The following ANKS1B variants were observed in gnomAD, a reference collection of about 807,000 sequenced individuals.
The protein encoded by ANKS1B is ankyrin repeat and sterile alpha motif domain containing 1B, also known as ankyrin repeat and sterile alpha motif domain-containing protein 1B.
Under a neutral mutation model 148.3 loss-of-function variants are expected in ANKS1B, and 36 were observed. The observed-to-expected ratio is 0.24, with a 90% CI of 0.19 to 0.32. The LOEUF is 0.32. Ranked by LOEUF, ANKS1B falls within the 10% of genes least tolerant of loss-of-function variation. The pLI is 1.00. For synonymous variants in ANKS1B, 542 were observed against 560.8 expected (o/e 0.97, Z 0.47); for missense variants, 1,157 against 1,542.6 (o/e 0.75, Z 4.19).
At chr12:99,680,500 C>G (rs2098608102) in intron 8 of ANKS1B, among the ~76,000 whole-genome samples, 1 of 151,604 alleles carries the variant, frequency 6.6e-6, no homozygotes, top group African/African-American at 2.4e-5. Flanking sequence ...GGAGCCATTT[C>G]TGACTTTATC....
At chr12:99,846,655 T>G (rs1039106844) in intron 1 of ANKS1B, among the ~76,000 whole-genome samples, 1 of 152,068 alleles carries the variant, frequency 6.6e-6, no homozygotes, top group African/African-American at 2.4e-5. Flanking sequence ...TTTAAAAAGA[T>G]TATATGAGAT....
intron 14 of ANKS1B, among the ~76,000 whole-genome samples, chr12:99,155,848 C>G (rs2075983252): frequency 6.6e-6 from 1 of 152,146 alleles, no homozygotes; most frequent in East Asian, 1.9e-4. Context: ...GCTCTTACTA[C>G]TTCTCACGAA....
At chr12:99,092,254 T>C (rs2054268939) in intron 15 of ANKS1B, among the ~76,000 whole-genome samples, 1 of 152,086 alleles carries the variant, frequency 6.6e-6, no homozygotes, top group African/African-American at 2.4e-5. Flanking sequence ...GGGAGGATAT[T>C]AAATGCTTTA....
intron 24 of ANKS1B, among the ~76,000 whole-genome samples, chr12:98,775,497 C>A (rs1449011087): frequency 6.6e-6 from 1 of 152,106 alleles, no homozygotes; most frequent in Non-Finnish European, 1.5e-5. Flanking sequence ...GTTGCCCAGG[C>A]TGGAGTGCAG....
rs191891823 is a variant in ANKS1B, at chr12:99,591,867, C to A, written c.1272+63200G>T. Among the ~76,000 whole-genome samples the A allele has an allele frequency of 3.9e-5, 6 of 152,246 alleles. No homozygotes were observed. In the East Asian group the frequency reaches 1.2e-3, roughly 29 times the overall value. On this transcript the variant is annotated intron_variant, in intron 9 of 26. Transcript: ENST00000683438. ...GCCCCTCTACATAAATGGATATAGA[C>A]CCTCACATCTAGAGCTGCATTCTAG...
At chr12:98,771,248 A>C (rs968715483) in intron 25 of ANKS1B, among the ~76,000 whole-genome samples, 1 of 151,962 alleles carries the variant, frequency 6.6e-6, no homozygotes, top group African/African-American at 2.4e-5. Flanking sequence ...TAGCTCAGTG[A>C]AGCCTCAGTG....
At position 99,806,303 on chromosome 12, in the gene ANKS1B, C is replaced by A. The variant is rs750987140; in HGVS notation, c.669+101G>T. ...CAGTAGTTACAAAAGTACTTGTGAA[C>A]AATTTGATTAAAAGATTTCTACATA... On this transcript the variant is annotated intron_variant, in intron 4 of 26. Coordinates refer to ENST00000683438, the MANE Select transcript of ANKS1B (RefSeq NM_001352186.2). The A allele has an allele frequency of 4.9e-6, 7 of 1,426,430 alleles. No individual in the cohort carries two copies. In the African/African-American group the frequency reaches 8.5e-5, roughly 17 times the overall value. The allele number at this position is 1,426,430 out of a possible 1,614,324, so 88.4% of individuals were successfully genotyped here. A position where few individuals can be genotyped will look rare whatever the true frequency, so the allele number is the denominator to read the frequency against.
intron 17 of ANKS1B, among the ~76,000 whole-genome samples, chr12:98,992,920 T>C (rs1229265479): frequency 2.6e-5 from 4 of 151,472 alleles, no homozygotes; most frequent in Non-Finnish European, 5.9e-5. Context: ...TTCCCTCAAG[T>C]AGTTTCTGAA....
chr12:99,654,708 C>T (rs892874402), intron 9 of ANKS1B, among the ~76,000 whole-genome samples: 6 of 152,094 alleles, frequency 3.9e-5, no homozygotes, highest in African/African-American at 1.5e-4. Context: ...TGCTTTTAAA[C>T]AGCCATAATA....
At chr12:99,675,499 A>G (rs1489621080) in intron 8 of ANKS1B, among the ~76,000 whole-genome samples, 1 of 151,908 alleles carries the variant, frequency 6.6e-6, no homozygotes, top group African/African-American at 2.4e-5. Context: ...CCAGTTTTAA[A>G]TGTTTTTTAA....
intron 14 of ANKS1B, among the ~76,000 whole-genome samples, chr12:99,180,630 T>G (rs951558989): frequency 6.6e-6 from 1 of 151,138 alleles, no homozygotes; most frequent in Non-Finnish European, 1.5e-5. Context: ...GAAAGGGTTT[T>G]TTTTTTTTTT....
chr12:99,757,639 A>C (rs1160148762), intron 8 of ANKS1B, among the ~76,000 whole-genome samples: 1 of 152,022 alleles, frequency 6.6e-6, no homozygotes, highest in Admixed American at 6.6e-5. Context: ...GAATGCACAC[A>C]TATGTTCATT....
chr12:99,332,616 G>T (rs2087797111), intron 12 of ANKS1B, among the ~76,000 whole-genome samples: 2 of 151,698 alleles, frequency 1.3e-5, no homozygotes, highest in Non-Finnish European at 2.9e-5. Flanking sequence ...AACAAGTATT[G>T]GAGACATATA....
chr12:99,580,205 G>C (rs1230263971), intron 9 of ANKS1B, among the ~76,000 whole-genome samples: 1 of 152,072 alleles, frequency 6.6e-6, no homozygotes. Context: ...AGGGTAGAGG[G>C]TTGGAGGACT....
intron 1 of ANKS1B, among the ~76,000 whole-genome samples, chr12:99,974,193 T>C (rs2095597124): frequency 6.6e-6 from 1 of 152,250 alleles, no homozygotes; most frequent in Non-Finnish European, 1.5e-5. Context: ...AAGGCTCAAA[T>C]GATCATTAGC....
chr12:99,048,317 T>C (rs1228404936), intron 17 of ANKS1B, among the ~76,000 whole-genome samples: 1 of 152,240 alleles, frequency 6.6e-6, no homozygotes, highest in East Asian at 1.9e-4. Context: ...TAAATGGCTA[T>C]AATTAGAGAG....
chr12:98,896,735 G>A (rs1340268426), intron 17 of ANKS1B, among the ~76,000 whole-genome samples: 1 of 152,188 alleles, frequency 6.6e-6, no homozygotes, highest in Non-Finnish European at 1.5e-5. Context: ...ATGGAGGCAT[G>A]TTTGACTATC....
intron 17 of ANKS1B, among the ~76,000 whole-genome samples, chr12:98,860,521 A>G (rs2099593668): frequency 6.6e-6 from 1 of 152,256 alleles, no homozygotes; most frequent in African/African-American, 2.4e-5. Context: ...AAAGAGCCAG[A>G]CATTATAAGC....
At chr12:99,548,699 T>C (rs919214883) in intron 9 of ANKS1B, among the ~76,000 whole-genome samples, 10 of 152,082 alleles carry the variant, frequency 6.6e-5, no homozygotes, top group African/African-American at 2.4e-4. Flanking sequence ...AGAAAAACAA[T>C]AAGAAAAGGA....
Sources: allele counts gnomAD v4.1 joint callset (sites outside exome capture counted in the v4.1 genomes callset), GRCh38; gene constraint gnomAD v4.1.1; transcripts MANE v1.5; gene names NCBI Gene and HGNC (gene_info 2026-07-23, HGNC 2026-07-21).